The following TRIM2 variants were observed in gnomAD, a reference collection of about 807,000 sequenced individuals.
The protein encoded by TRIM2 is tripartite motif containing 2.
A neutral mutation model predicts 75.2 loss-of-function variants in TRIM2; 20 were observed. That is an observed-to-expected ratio of 0.27 (90% CI 0.19 to 0.39). The LOEUF (loss-of-function observed/expected upper bound fraction) is 0.39, where lower values mean the gene tolerates loss of function less well. Among genes scored for constraint, TRIM2 ranks in the 10% least tolerant of loss-of-function variants. The pLI is 1.00. For synonymous variants in TRIM2, 373 were observed against 388.3 expected (o/e 0.96, Z 0.46); for missense variants, 660 against 990.8 (o/e 0.67, Z 4.48).
intron 11 of TRIM2, among the ~76,000 whole-genome samples, chr4:153,333,028 T>C (rs1771835377): frequency 6.6e-6 from 1 of 152,238 alleles, no homozygotes; most frequent in African/African-American, 2.4e-5. Flanking sequence ...TTGTTGTTCA[T>C]AGAAGATTTA....
At chr4:153,297,358 C>G (rs1289079091) in intron 6 of TRIM2, among the ~76,000 whole-genome samples, 1 of 152,144 alleles carries the variant, frequency 6.6e-6, no homozygotes, top group African/African-American at 2.4e-5. Flanking sequence ...TCTGCCACTC[C>G]GGTTCAGCCA....
intron 1 of TRIM2, among the ~76,000 whole-genome samples, chr4:153,183,514 T>G (rs536976495): frequency 1.3e-5 from 2 of 152,234 alleles, no homozygotes; most frequent in African/African-American, 4.8e-5. Flanking sequence ...TGGGGCATGA[T>G]TGCCCAGAGG....
chr4:153,195,497 A>G (rs1733672523), intron 1 of TRIM2, among the ~76,000 whole-genome samples: 2 of 152,118 alleles, frequency 1.3e-5, no homozygotes, highest in African/African-American at 4.8e-5. Flanking sequence ...GCCTGGGAGA[A>G]AAAGTGAGAC....
intron 1 of TRIM2, among the ~76,000 whole-genome samples, chr4:153,231,670 G>A (rs1743662875): frequency 6.6e-6 from 1 of 152,170 alleles, no homozygotes; most frequent in Non-Finnish European, 1.5e-5. Flanking sequence ...AAGGGTGGCG[G>A]CATGAGGGAG....
chr4:153,197,613 T>A (rs919221279), intron 1 of TRIM2, among the ~76,000 whole-genome samples: 34 of 152,274 alleles, frequency 2.2e-4, no homozygotes, highest in African/African-American at 7.5e-4. Flanking sequence ...GGCTCATGCC[T>A]GTAACCCCAG....
chr4:153,273,442 A>ATTTTTTTTTTTTTTTT (rs11459214), intron 2 of TRIM2, among the ~76,000 whole-genome samples: 3 of 77,676 alleles, frequency 3.9e-5, no homozygotes, highest in African/African-American at 2.3e-4. Context: ...CGCCCGGCTA[A>ATTTTTTTTTTTTTTTT]TTTTTTTTTT....
chr4:153,253,500 A>C (rs1039678644), intron 1 of TRIM2, among the ~76,000 whole-genome samples: 1 of 152,212 alleles, frequency 6.6e-6, no homozygotes, highest in African/African-American at 2.4e-5. Context: ...CTGCTAAAAA[A>C]ATACATGTGG....
chr4:153,179,261 TTAA>T (rs202169078), intron 1 of TRIM2, among the ~76,000 whole-genome samples: 4,740 of 150,522 alleles, frequency 0.031, 246 homozygotes, highest in African/African-American at 0.11. Flanking sequence ...AAATACCTAC[TTAA>T]TAATAAAATT....
intron 1 of TRIM2, among the ~76,000 whole-genome samples, chr4:153,249,337 C>A (rs1231616472): frequency 6.6e-6 from 1 of 152,146 alleles, no homozygotes; most frequent in East Asian, 1.9e-4. Flanking sequence ...CGGGCCCCGG[C>A]AGAGCCTGCG....
intron 6 of TRIM2, among the ~76,000 whole-genome samples, chr4:153,306,032 G>A (rs1278335837): frequency 6.6e-6 from 1 of 152,016 alleles, no homozygotes; most frequent in Non-Finnish European, 1.5e-5. Context: ...CTACTCAGAA[G>A]GCTGGAGAAT....
At chr4:153,265,335 TG>T (rs1754684113) in intron 1 of TRIM2, among the ~76,000 whole-genome samples, 1 of 141,994 alleles carries the variant, frequency 7.0e-6, no homozygotes, top group African/African-American at 2.8e-5. Context: ...TTTTGTTTTT[TG>T]TGTTTTTTTT....
At chr4:153,273,270 C>CATT (rs1757187818) in intron 2 of TRIM2, among the ~76,000 whole-genome samples, 4 of 57,388 alleles carry the variant, frequency 7.0e-5, no homozygotes, top group African/African-American at 2.8e-4. Flanking sequence ...TACAGTCACT[C>CATT]TTTTTTTTTT....
rs780371648 is a variant in TRIM2, at chr4:153,337,455, T to C, written c.*2489T>C. 3.5e-4 allele frequency: 341 copies of C among 985,756 alleles called. No individual in the cohort carries two copies. Among genetic ancestry groups the C allele is most frequent in the Non-Finnish European group, 4.0e-4 (331 of 829,944 alleles). 61.1% of individuals were successfully genotyped at this position (985,756 alleles called of 1,614,324 possible). ...AAAGAATAGTTTGATTCAGACCTGCTCCACTATGTGTTGCTAAAACACATG... is the reference window on the plus strand; with the variant it reads ...AAAGAATAGTTTGATTCAGACCTGCCCCACTATGTGTTGCTAAAACACATG... On this transcript the variant is annotated 3_prime_UTR_variant, in exon 12 of 12. Coordinates refer to ENST00000338700, the MANE Select transcript of TRIM2 (RefSeq NM_015271.5).
In TRIM2 at chr4:153,337,323, A is replaced by G; in HGVS notation, c.*2357A>G. ...TTTGTGAACTTAGAAATTAACTTAC[A>G]ATCTAACCAGCCATCATATCATATC... On this transcript the variant is annotated 3_prime_UTR_variant, in exon 12 of 12. Coordinates refer to ENST00000338700, the MANE Select transcript of TRIM2 (RefSeq NM_015271.5). 1 of 985,858 alleles carries G rather than the reference A, an allele frequency of 1.0e-6. No individual in the cohort carries two copies. Among genetic ancestry groups the G allele is most frequent in the Non-Finnish European group, 1.2e-6 (1 of 829,936 alleles). 61.1% of individuals were successfully genotyped at this position (985,858 alleles called of 1,614,324 possible).
At chr4:153,206,824 TC>T (rs1441507510) in intron 1 of TRIM2, among the ~76,000 whole-genome samples, 2 of 152,148 alleles carry the variant, frequency 1.3e-5, no homozygotes, top group East Asian at 3.8e-4. Context: ...TCGTCAATCA[TC>T]TCATTAGCAT....
chr4:153,157,394 A>G (rs1022241638), intron 1 of TRIM2, among the ~76,000 whole-genome samples: 6 of 152,196 alleles, frequency 3.9e-5, no homozygotes, highest in African/African-American at 1.4e-4. Context: ...AGATTTCACT[A>G]TCAATGAGAA....
intron 1 of TRIM2, among the ~76,000 whole-genome samples, chr4:153,230,542 A>G (rs767915846): frequency 5.9e-5 from 9 of 152,144 alleles, no homozygotes; most frequent in Non-Finnish European, 1.3e-4. Context: ...CACCAAACAA[A>G]CACTTGTCTC....
intron 3 of TRIM2, among the ~76,000 whole-genome samples, chr4:153,277,504 G>A (rs1758297970): frequency 6.6e-6 from 1 of 152,172 alleles, no homozygotes; most frequent in Non-Finnish European, 1.5e-5. Context: ...TAGACCCCTA[G>A]CACTGAGGGC....
chr4:153,288,297 G>A (rs192753043), intron 3 of TRIM2, among the ~76,000 whole-genome samples: 204 of 152,000 alleles, frequency 1.3e-3, no homozygotes, highest in Middle Eastern at 3.4e-3. Flanking sequence ...ATTAGCCAGG[G>A]ATGGTGGCGC....
Sources: allele counts gnomAD v4.1 joint callset (sites outside exome capture counted in the v4.1 genomes callset), GRCh38; gene constraint gnomAD v4.1.1; transcripts MANE v1.5; gene names NCBI Gene and HGNC (gene_info 2026-07-23, HGNC 2026-07-21).